Variants in OTOP1 observed in about 807,000 individuals in gnomAD.
OTOP1 encodes otopetrin 1, also known as proton channel OTOP1.
In OTOP1, 59 loss-of-function variants were observed where a neutral mutation model predicts 52.9. The ratio of observed to expected loss-of-function variants is 1.12; its 90% CI spans 0.91 to 1.39. The LOEUF (loss-of-function observed/expected upper bound fraction) is 1.39, where lower values mean the gene tolerates loss of function less well. Among genes scored for constraint, OTOP1 ranks in the 40% most tolerant of loss-of-function variants. The pLI is 0.00. For synonymous variants in OTOP1, 317 were observed against 337.7 expected (o/e 0.94, Z 0.67); for missense variants, 761 against 800.9 (o/e 0.95, Z 0.60).
Position 4,226,482 on chromosome 4 carries a change from GC to G in OTOP1, c.382del (p.Ala128ArgfsTer76), listed in dbSNP as rs545416749. ...RRLFRLKDTH[A>X]GAGWLRGSIT... Reference sequence around the variant, plus strand: ...CTCACCGCGCAGCCAGCCGGCACCCGCGTGCGTGTCCTTGAGGCGGAAGAGG... The same window carrying G: ...CTCACCGCGCAGCCAGCCGGCACCCGGTGCGTGTCCTTGAGGCGGAAGAGG... On this transcript the variant is annotated frameshift_variant, in exon 1 of 6. Coordinates refer to ENST00000296358, the MANE Select transcript of OTOP1 (RefSeq NM_177998.3). LOFTEE classifies it high-confidence loss of function. 1.3e-3 allele frequency: 2,036 copies of G among 1,539,772 alleles called. 3 individuals are homozygous for G. The highest frequency in any genetic ancestry group is 3.1e-3 in the Admixed American group (163 of 52,758).
chr4:4,224,335 A>G (rs1717376052), intron 1 of OTOP1, among the ~76,000 whole-genome samples: 2 of 147,764 alleles, frequency 1.4e-5, no homozygotes, highest in Non-Finnish European at 3.0e-5. Flanking sequence ...CGACAGGGCA[A>G]GACTCCATCT....
chr4:4,220,105 A>ATATATATT (rs1434375771), intron 1 of OTOP1, among the ~76,000 whole-genome samples: 7 of 59,396 alleles, frequency 1.2e-4, no homozygotes, highest in African/African-American at 2.6e-4. Context: ...ATATATATAT[A>ATATATATT]TTTTTTTTTT....
rs368385285 is a variant in OTOP1, at chr4:4,222,523, G to A, written c.403+3939C>T. 5.9e-5 allele frequency among the ~76,000 whole-genome samples: 9 copies of A among 152,244 alleles called. No individual in the cohort carries two copies. In the East Asian group the frequency reaches 1.2e-3, roughly 20 times the overall value. On this transcript the variant is annotated intron_variant, in intron 1 of 5. Coordinates refer to ENST00000296358, the MANE Select transcript of OTOP1 (RefSeq NM_177998.3). ...TTCCTTTCCAATGAAAGCCAAGCCC[G>A]CATCTGATTTTTTGGCAGCCACATT...
At chr4:4,222,840 C>T (rs1374516701) in intron 1 of OTOP1, among the ~76,000 whole-genome samples, 1 of 152,198 alleles carries the variant, frequency 6.6e-6, no homozygotes, top group African/African-American at 2.4e-5. Context: ...AAGGTGCTTC[C>T]TTTTGGCACC....
At chr4:4,215,257 A>G (rs1375380536) in intron 1 of OTOP1, among the ~76,000 whole-genome samples, 1 of 152,256 alleles carries the variant, frequency 6.6e-6, no homozygotes, top group Non-Finnish European at 1.5e-5. Flanking sequence ...AGCCTGGTCC[A>G]ATCAACAGAA....
chr4:4,196,974 G>A (rs531746663), intron 5 of OTOP1, among the ~76,000 whole-genome samples, 192 bp downstream of exon 5: 55 of 152,228 alleles, frequency 3.6e-4, no homozygotes, highest in Admixed American at 5.2e-4. Context: ...GGGAGAGGCC[G>A]GAAGCGGGGT....
intron 1 of OTOP1, among the ~76,000 whole-genome samples, chr4:4,213,597 C>A (rs73793124): frequency 1.3e-5 from 2 of 152,094 alleles, no homozygotes; most frequent in Admixed American, 6.6e-5. Flanking sequence ...TATTTTACTT[C>A]GCATAATGTC....
intron 5 of OTOP1, among the ~76,000 whole-genome samples, chr4:4,190,811 G>C (rs1158520807): frequency 2.6e-5 from 4 of 152,188 alleles, no homozygotes; most frequent in Middle Eastern, 3.4e-3. Flanking sequence ...CTGTTTGGCG[G>C]GTCCCTCCCA....
intron 4 of OTOP1, among the ~76,000 whole-genome samples, chr4:4,200,681 G>A (rs1362333292): frequency 6.9e-6 from 1 of 145,150 alleles, no homozygotes; most frequent in Non-Finnish European, 1.5e-5. Context: ...AGTCTCCCAT[G>A]TAGCTATAGC....
intron 3 of OTOP1, 63 bp downstream of exon 3, chr4:4,206,009 A>G: frequency 7.3e-7 from 1 of 1,375,958 alleles, no homozygotes; most frequent in Non-Finnish European, 1.0e-6. Context: ...GGCAGTGATG[A>G]GTTTTGAAAA....
Position 4,213,997 on chromosome 4 carries a change from G to A in OTOP1, c.404-993C>T, listed in dbSNP as rs556879132. Among the ~76,000 whole-genome samples the A allele has an allele frequency of 5.9e-5, 9 of 152,246 alleles. No individual in the cohort carries two copies. The South Asian group carries it at 1.9e-3, about 32-fold the overall frequency. On this transcript the variant is annotated intron_variant, in intron 1 of 5. Coordinates refer to ENST00000296358, the MANE Select transcript of OTOP1 (RefSeq NM_177998.3). ...CCCAGCTACTTGGGATGCTGAGGCA[G>A]GAGAATCCCTTGAACCAGGGAGGCA...
At position 4,197,338 on chromosome 4, in the gene OTOP1, G is replaced by A. The variant is rs776609867; in HGVS notation, c.1496C>T (p.Ala499Val). 6 of 1,614,046 alleles carry A rather than the reference G, an allele frequency of 3.7e-6. No individual in the cohort carries two copies. The highest frequency in any genetic ancestry group is 5.1e-6 in the Non-Finnish European group (6 of 1,180,018). Residue 499 changes from alanine to valine, a missense_variant, in exon 5 of 6, where the codon GCC becomes GTC. Ala to Val is a moderately conservative substitution (Grantham distance 64). Around this residue, in one of 3 missense-constraint regions of OTOP1, gnomAD observed 632 missense variants for 619.5 expected, o/e 1.02. Coordinates refer to ENST00000296358, the MANE Select transcript of OTOP1 (RefSeq NM_177998.3). ...TTCTCTCATGCACACATTTCCATTG[G>A]CTGCTGGTGGCATGTCCTTGCCCTG... ...APQGKDMPPA[A>V]NGNVCMRESH...
At position 4,197,519 on chromosome 4, in the gene OTOP1, G is replaced by C; in HGVS notation, c.1315C>G (p.Gln439Glu). 1.2e-6 allele frequency: 2 copies of C among 1,614,126 alleles called. No homozygotes were observed. The highest frequency in any genetic ancestry group is 1.7e-6 in the Non-Finnish European group (2 of 1,180,006). Residue 439 changes from glutamine to glutamate, a missense_variant, in exon 5 of 6, where the codon CAG becomes GAG. By Grantham distance (29) the Gln-to-Glu change is conservative. This residue lies in a region of OTOP1 where 632 missense variants were observed against 619.5 expected (regional missense o/e 1.02). Coordinates refer to ENST00000296358, the MANE Select transcript of OTOP1 (RefSeq NM_177998.3). ...SILAIVEKYI[Q>E]NLFIFESIHR... ...ATGGATTCAAAGATGAAGAGGTTCT[G>C]GATGTACTTCTCCACGATCGCCAGG... is the stretch of plus-strand genomic sequence containing the variant.
chr4:4,210,300 C>T (rs1303571463), intron 2 of OTOP1, among the ~76,000 whole-genome samples: 1 of 152,194 alleles, frequency 6.6e-6, no homozygotes, highest in East Asian at 1.9e-4. Context: ...ATTTGGCTCC[C>T]CTGGAATGAG....
chr4:4,189,024 C>G, intron 5 of OTOP1, 51 bp from the exon 6 acceptor site: 1 of 1,555,902 alleles, frequency 6.4e-7, no homozygotes, highest in Non-Finnish European at 8.8e-7. Flanking sequence ...TCCAAGCCAC[C>G]ACGGAGGCCC....
Position 4,223,569 on chromosome 4 carries a change from A to G in OTOP1, c.403+2893T>C, listed in dbSNP as rs185261827. On this transcript the variant is annotated intron_variant, in intron 1 of 5. Transcript: ENST00000296358. ...CACAGACTGAGTAGAAAAAAAGAAG[A>G]AGGAGGAGCAGAAGGAGAAGGAGAA... 4.1e-4 allele frequency among the ~76,000 whole-genome samples: 63 copies of G among 152,198 alleles called. 3 individuals carry two copies. The East Asian group carries it at 8.5e-3, about 21-fold the overall frequency.
In OTOP1 at chr4:4,204,176, T is replaced by C. The variant is rs1716848582; in HGVS notation, c.600-1598A>G. 2.0e-5 allele frequency among the ~76,000 whole-genome samples: 3 copies of C among 152,268 alleles called. No homozygotes were observed. The South Asian group carries it at 6.2e-4, about 32-fold the overall frequency. On this transcript the variant is annotated intron_variant, in intron 3 of 5. Transcript: ENST00000296358. ...AACTGCAGGCAAAACCTTGCCTCAT[T>C]TGAATCCTGGCTTCCTTTGGCATAA...
At chr4:4,223,852 A>G (rs1717359089) in intron 1 of OTOP1, among the ~76,000 whole-genome samples, 1 of 151,136 alleles carries the variant, frequency 6.6e-6, no homozygotes, top group Admixed American at 6.6e-5. Flanking sequence ...GCAGTGACCC[A>G]TGACTCCAGC....
chr4:4,188,915 A>T lies in OTOP1; in HGVS notation c.1727T>A (p.Ile576Asn). 1 of 1,613,854 alleles carries T rather than the reference A, an allele frequency of 6.2e-7. No individual in the cohort carries two copies. Among genetic ancestry groups the T allele is most frequent in the Non-Finnish European group, 8.5e-7 (1 of 1,179,794 alleles). ...TATCCAGGGTTCAAAGCCAAAGACAATCTCCTCCAATCCATTGTCATACTC... is the reference window on the plus strand; with the variant it reads ...TATCCAGGGTTCAAAGCCAAAGACATTCTCCTCCAATCCATTGTCATACTC... ...RPEYDNGLEE[I>N]VFGFEPWIIV... is the part of the protein sequence containing the mutation. The change falls in exon 6 of 6, where the codon ATT becomes AAT. Residue 576 changes from isoleucine to asparagine, a missense_variant. Physicochemically the swap from Ile to Asn is moderately radical, Grantham distance 149 (BLOSUM62 -3). Transcript: ENST00000296358.
Sources: allele counts gnomAD v4.1 joint callset (sites outside exome capture counted in the v4.1 genomes callset), GRCh38; gene constraint gnomAD v4.1.1; regional missense constraint gnomAD v4.1.1; transcripts MANE v1.5; gene names NCBI Gene and HGNC (gene_info 2026-07-23, HGNC 2026-07-21).